MICAL3: variants seen among roughly 807,000 people sequenced by gnomAD.
The protein encoded by MICAL3 is microtubule associated monooxygenase, calponin and LIM domain containing 3.
Under a neutral mutation model 207.4 loss-of-function variants are expected in MICAL3, and 62 were observed. The ratio of observed to expected loss-of-function variants is 0.30; its 90% confidence interval spans 0.24 to 0.37. The LOEUF (loss-of-function observed/expected upper bound fraction) is 0.37. Among genes scored for constraint, MICAL3 ranks in the 10% least tolerant of loss-of-function variants. The pLI is 1.00. For synonymous variants in MICAL3, 1,077 were observed against 1,069.3 expected, an observed-to-expected ratio of 1.01 and a Z score of -0.14; for missense variants, 2,368 against 2,635.6, an observed-to-expected ratio of 0.90 and a Z score of 2.22.
chr22:17,954,810 G>A (rs936775165), intron 1 of MICAL3, among the ~76,000 whole-genome samples: 2 of 151,250 alleles, frequency 1.3e-5, no homozygotes, highest in African/African-American at 2.4e-5. Flanking sequence ...GTAGTGGTGC[G>A]ATCTCAGCTC....
chr22:17,890,956 T>C (rs1930345161), intron 12 of MICAL3, among the ~76,000 whole-genome samples: 1 of 152,206 alleles, frequency 6.6e-6, no homozygotes, highest in South Asian at 2.1e-4. Context: ...CAACAGAGTA[T>C]GTCTGTAAAA....
intron 20 of MICAL3, among the ~76,000 whole-genome samples, chr22:17,837,497 G>A (rs1184156550): frequency 6.6e-6 from 1 of 152,262 alleles, no homozygotes; most frequent in African/African-American, 2.4e-5. Context: ...AGCTGCCTTT[G>A]CTGCCCGGGG....
chr22:17,958,955 C>T (rs1934762705), intron 1 of MICAL3, among the ~76,000 whole-genome samples: 1 of 151,076 alleles, frequency 6.6e-6, no homozygotes, highest in Non-Finnish European at 1.5e-5. Context: ...ATCTGCTCGC[C>T]TCGGCCTCGC....
rs1212836393 is a variant in MICAL3, at chr22:17,788,882, G to C, written c.*1850C>G. The C allele has an allele frequency of 1.3e-5, 2 of 152,400 alleles. No individual in the cohort carries two copies. Among genetic ancestry groups the C allele is most frequent in the African/African-American group, 4.8e-5 (2 of 41,474 alleles). The allele number at this position is 152,400 out of a possible 1,614,324, so 9.4% of individuals were successfully genotyped here. ...CAGCCACTCAGCCTGCTCCACTGCGGGACGCCTTGGAGGGGCCAGGCCTCT... is the reference window on the plus strand; with the variant it reads ...CAGCCACTCAGCCTGCTCCACTGCGCGACGCCTTGGAGGGGCCAGGCCTCT... On this transcript the variant is annotated 3_prime_UTR_variant, in exon 32 of 32. Coordinates refer to ENST00000441493, the MANE Select transcript of MICAL3 (RefSeq NM_015241.3).
At chr22:17,822,865 C>T (rs1488930839) in intron 23 of MICAL3, 82 bp downstream of exon 23, 12 of 904,920 alleles carry the variant, frequency 1.3e-5, no homozygotes, top group South Asian at 1.1e-4. Flanking sequence ...GGCGGCCTCA[C>T]TGAGCTTGAT....
intron 19 of MICAL3, 48 bp downstream of exon 19, chr22:17,864,851 G>A (rs1444375731): frequency 6.2e-7 from 1 of 1,613,914 alleles, no homozygotes; most frequent in Non-Finnish European, 8.5e-7. Flanking sequence ...TTGTCACAGA[G>A]GCCGAGGGAG....
At chr22:17,865,550 T>C (rs972007696) in intron 18 of MICAL3, among the ~76,000 whole-genome samples, 15 of 152,312 alleles carry the variant, frequency 9.8e-5, no homozygotes, top group Admixed American at 6.5e-4. Context: ...CAGTCTCCTC[T>C]CCCACCCTGC....
intron 10 of MICAL3, among the ~76,000 whole-genome samples, chr22:17,894,886 G>T (rs1930695447): frequency 6.6e-6 from 1 of 152,034 alleles, no homozygotes; most frequent in Admixed American, 6.5e-5. Flanking sequence ...AGTAGTCAGG[G>T]ATTATTATTC....
Position 17,819,122 on chromosome 22 carries a change from T to G in MICAL3, c.3539A>C (p.Gln1180Pro). The change falls in exon 26 of 32, where the codon CAA becomes CCA. Residue 1180 changes from glutamine to proline, a missense_variant. This residue lies in a region of MICAL3 where 1,770 missense variants were observed against 1,863.2 expected (regional missense o/e 0.95). Transcript: ENST00000441493. Reference sequence around the variant, plus strand: ...GGTGGCGGCAGGGACAGGTGGGAGTTGGGGCCCCTACAGGGAAGGAAGACA... The same window carrying G: ...GGTGGCGGCAGGGACAGGTGGGAGTGGGGGCCCCTACAGGGAAGGAAGACA... ...PVHSPSTEGP[Q>P]LPPVPAATQE... The G allele has an allele frequency of 6.7e-7, 1 of 1,484,096 alleles. No individual in the cohort carries two copies. The highest frequency in any genetic ancestry group is 9.0e-7 in the Non-Finnish European group (1 of 1,113,900). The allele number at this position is 1,484,096 out of a possible 1,614,324, so 91.9% of individuals were successfully genotyped here.
At chr22:17,873,189 GC>G (rs1324081774) in intron 16 of MICAL3, among the ~76,000 whole-genome samples, 1 of 152,256 alleles carries the variant, frequency 6.6e-6, no homozygotes, top group Non-Finnish European at 1.5e-5. Flanking sequence ...ACAGAGACAG[GC>G]AGGCAGGGCC....
Position 17,864,932 on chromosome 22 carries a change from T to C in MICAL3, c.2572A>G (p.Asn858Asp), listed in dbSNP as rs374189971. ...CTCTCAGTGGAGCTGGCCACGGCGTTGGCCCGTCCGTTTGCATCTGTGGTG... is the reference window on the plus strand; with the variant it reads ...CTCTCAGTGGAGCTGGCCACGGCGTCGGCCCGTCCGTTTGCATCTGTGGTG... ...GATTDANGRA[N>D]AVASSTERTP... Residue 858 changes from asparagine (N) to aspartate (D), a missense_variant, in exon 19 of 32, where the codon AAC becomes GAC. Asn to Asp is a conservative substitution (Grantham distance 23, BLOSUM62 1). Transcript: ENST00000441493. 3.7e-6 allele frequency: 6 copies of C among 1,613,660 alleles called. No individual in the cohort carries two copies. The highest frequency in any genetic ancestry group is 1.3e-5 in the African/African-American group (1 of 74,872).
At position 17,817,798 on chromosome 22, in the gene MICAL3, C is replaced by T; in HGVS notation, c.4863G>A (p.Gln1621=). 1 of 1,607,370 alleles carries T rather than the reference C, an allele frequency of 6.2e-7. No individual in the cohort carries two copies. The highest frequency in any genetic ancestry group is 8.5e-7 in the Non-Finnish European group (1 of 1,176,848). The change falls in exon 26 of 32, where the codon CAG becomes CAA. Residue 1621 remains glutamine, a synonymous_variant. Coordinates refer to ENST00000441493, the MANE Select transcript of MICAL3 (RefSeq NM_015241.3). ...DAMARQLSRM[Q]QMELASGAPR... ...GGGCGCCTGAGGCCAGCTCCATCTG[C>T]TGCATCCTGCTCAGCTGCCTGGCCA...
At chr22:17,952,182 G>A (rs1471733512) in intron 1 of MICAL3, among the ~76,000 whole-genome samples, 1 of 152,204 alleles carries the variant, frequency 6.6e-6, no homozygotes, top group Admixed American at 6.5e-5. Context: ...ACAAAGACAG[G>A]ACTGGACTAA....
chr22:17,857,288 C>G (rs1264116320), intron 19 of MICAL3, among the ~76,000 whole-genome samples: 1 of 152,132 alleles, frequency 6.6e-6, no homozygotes, highest in Non-Finnish European at 1.5e-5. Flanking sequence ...GGTGGCGGCA[C>G]GAGATTCTCC....
At chr22:17,795,621 G>A (rs1397024815) in intron 29 of MICAL3, among the ~76,000 whole-genome samples, 1 of 152,220 alleles carries the variant, frequency 6.6e-6, no homozygotes, top group Non-Finnish European at 1.5e-5. Context: ...TTAGAAAAAG[G>A]GAGCATCAGG....
intron 1 of MICAL3, among the ~76,000 whole-genome samples, chr22:17,922,543 C>T (rs9604806): frequency 0.045 from 6,849 of 152,176 alleles, 240 homozygotes; most frequent in African/African-American, 0.098. Flanking sequence ...ATGATCCTCA[C>T]CTTTTTCAGA....
chr22:17,941,575 G>A (rs749105537), intron 1 of MICAL3, among the ~76,000 whole-genome samples: 2 of 152,238 alleles, frequency 1.3e-5, no homozygotes, highest in Non-Finnish European at 2.9e-5. Context: ...AGCAACAGCT[G>A]TCATTGTTCA....
rs1451253996 is a variant in MICAL3, at chr22:17,791,292, T to C, written c.5660A>G (p.Lys1887Arg). 3 of 1,613,302 alleles carry C rather than the reference T, an allele frequency of 1.9e-6. No individual in the cohort carries two copies. Among genetic ancestry groups the C allele is most frequent in the Admixed American group, 1.7e-5 (1 of 59,950 alleles). Residue 1887 changes from lysine (K) to arginine (R), a missense_variant, in exon 30 of 32, where the codon AAG (lysine) becomes AGG (arginine). By Grantham distance (26) the Lys-to-Arg change is conservative. Coordinates refer to ENST00000441493, the MANE Select transcript of MICAL3 (RefSeq NM_015241.3). ...CTGCATCAGCTTGGGGTCGTCCTTC[T>C]TGCCCATGCCTGCCGAGAGAACGCT... ...KALRGEAGMG[K>R]KDDPKLMQEW...
intron 19 of MICAL3, among the ~76,000 whole-genome samples, chr22:17,842,963 T>C (rs1035819023): frequency 2.0e-5 from 3 of 151,766 alleles, no homozygotes; most frequent in Admixed American, 6.6e-5. Flanking sequence ...CTACTAAAAA[T>C]ACAAAAAATT....
Sources: gnomAD v4.1 joint callset for allele counts (sites outside exome capture counted in the v4.1 genomes callset) on GRCh38, gnomAD v4.1.1 for gene constraint, gnomAD v4.1.1 regional missense constraint, MANE v1.5 for transcripts, NCBI Gene and HGNC (gene_info 2026-07-23, HGNC 2026-07-21) for gene names.